HDAC9: variants seen among roughly 807,000 people sequenced by gnomAD.
HDAC9 encodes histone deacetylase 9.
A neutral mutation model predicts 139.4 loss-of-function variants in HDAC9; 41 were observed. The observed-to-expected ratio is 0.29, with a 90% CI of 0.23 to 0.38. The LOEUF (loss-of-function observed/expected upper bound fraction) is 0.38, where lower values mean the gene tolerates loss of function less well. Ranked by LOEUF, HDAC9 falls within the 10% of genes least tolerant of loss-of-function variation. HDAC9 has a pLI of 1.00. For missense variants in HDAC9, 1,147 were observed against 1,297.0 expected, an observed-to-expected ratio of 0.88 and a Z score of 1.78; for synonymous variants, 517 against 476.2, an observed-to-expected ratio of 1.09 and a Z score of -1.12.
intron 1 of HDAC9, among the ~76,000 whole-genome samples, chr7:18,481,634 G>A (rs1454787572): frequency 6.6e-6 from 1 of 152,160 alleles, no homozygotes; most frequent in Non-Finnish European, 1.5e-5. Context: ...TTCATTCTAG[G>A]CTTTGAAAAG....
At position 18,116,475 on chromosome 7, in the gene HDAC9, G is replaced by C. The variant is rs1314448537; in HGVS notation, c.-97+29262G>C. 1.3e-5 allele frequency among the ~76,000 whole-genome samples: 2 copies of C among 152,012 alleles called. 1 individual carries two copies. Among genetic ancestry groups the C allele is most frequent in the African/African-American group, 4.8e-5 (2 of 41,380 alleles). On this transcript the variant is annotated intron_variant, in intron 1 of 12. Transcript: ENST00000417496. ...TTGGGAAAAATGTGATTGATATTCA[G>C]TGTTTAAAAATAACCTACCTCTTTA... is the stretch of plus-strand genomic sequence containing the variant.
intron 21 of HDAC9, among the ~76,000 whole-genome samples, chr7:18,846,080 A>G (rs1796885509): frequency 6.6e-6 from 1 of 152,182 alleles, no homozygotes; most frequent in African/African-American, 2.4e-5. Flanking sequence ...TCTGCCCACA[A>G]TTTGATTGCA....
chr7:18,449,644 T>C (rs1792627269), intron 1 of HDAC9, among the ~76,000 whole-genome samples: 1 of 152,086 alleles, frequency 6.6e-6, no homozygotes. Flanking sequence ...AATAAAAAAG[T>C]TTCCCCACCA....
chr7:18,590,343 A>G lies in HDAC9; in HGVS notation c.272A>G (p.Gln91Arg). ...AQLQEHIKLQ[Q>R]ELLAIKQQQE... is the part of the protein sequence containing the mutation. ...TCTTTCTCTTCTCGCAAGTTGCAAC[A>G]GGAACTTCTAGCCATAAAACAGCAA... The change falls in exon 4 of 26, where the codon CAG becomes CGG. Residue 91 changes from glutamine (Q) to arginine (R), a missense_variant. Physicochemically the swap from Gln to Arg is conservative, Grantham distance 43 (BLOSUM62 1). Transcript: ENST00000686413. The G allele has an allele frequency of 6.2e-7, 1 of 1,612,502 alleles. No individual in the cohort carries two copies. Among genetic ancestry groups the G allele is most frequent in the Non-Finnish European group, 8.5e-7 (1 of 1,179,294 alleles).
chr7:18,683,860 T>G (rs2129092073), intron 12 of HDAC9, among the ~76,000 whole-genome samples: 1 of 152,176 alleles, frequency 6.6e-6, no homozygotes, highest in East Asian at 1.9e-4. Context: ...TTTTCAAACT[T>G]TTTTAATTTT....
Position 18,443,804 on chromosome 7 carries a change from GTATA to G in HDAC9, c.-41-52451_-41-52448del, listed in dbSNP as rs1191271956. On this transcript the variant is annotated intron_variant, in intron 1 of 3. Transcript: ENST00000413509. ...TTTCTCTCCCTCTCTGTGTGTGTGT[GTATA>G]TATATACATATATATATACACATTT... 2.0e-5 allele frequency among the ~76,000 whole-genome samples: 3 copies of G among 150,780 alleles called. No individual in the cohort carries two copies. The East Asian group carries it at 5.8e-4, about 29-fold the overall frequency.
At chr7:18,768,986 C>T (rs1330861974) in intron 16 of HDAC9, among the ~76,000 whole-genome samples, 3 of 152,104 alleles carry the variant, frequency 2.0e-5, no homozygotes, top group African/African-American at 7.2e-5. Context: ...AAATGTTTGG[C>T]ATGAATAAGG....
At chr7:18,466,590 T>C (rs772576445) in intron 1 of HDAC9, among the ~76,000 whole-genome samples, 1 of 152,238 alleles carries the variant, frequency 6.6e-6, no homozygotes, top group Non-Finnish European at 1.5e-5. Flanking sequence ...TGTACATCTC[T>C]GACCGACTCC....
At chr7:18,976,277 T>C (rs1784545540) in intron 25 of HDAC9, among the ~76,000 whole-genome samples, 1 of 152,214 alleles carries the variant, frequency 6.6e-6, no homozygotes, top group African/African-American at 2.4e-5. Context: ...GCTTAACTCC[T>C]TTTCCTAGTT....
chr7:18,809,297 A>G (rs1585075848), intron 17 of HDAC9, among the ~76,000 whole-genome samples: 1 of 152,184 alleles, frequency 6.6e-6, no homozygotes, highest in African/African-American at 2.4e-5. Flanking sequence ...TTTTGGTTAT[A>G]CACAAAAAGC....
intron 2 of HDAC9, among the ~76,000 whole-genome samples, chr7:18,267,410 G>A (rs1294994175): frequency 3.9e-5 from 6 of 151,900 alleles, no homozygotes; most frequent in Non-Finnish European, 2.9e-5. Flanking sequence ...CTATCTAACC[G>A]AAACTTTATA....
At chr7:18,495,079 C>G (rs1386392088), upstream of HDAC9, among the ~76,000 whole-genome samples, 1 of 151,996 alleles carries the variant, frequency 6.6e-6, no homozygotes. Flanking sequence ...AAAAATCAAG[C>G]CTGTCCTTCA....
At chr7:18,203,410 G>C (rs1266674448) in intron 2 of HDAC9, among the ~76,000 whole-genome samples, 2 of 152,144 alleles carry the variant, frequency 1.3e-5, no homozygotes, top group African/African-American at 4.8e-5. Context: ...GGGAAGTATT[G>C]AGGAAGTAGT....
rs543736571 is a variant in HDAC9, at chr7:18,720,539, A to G, written c.1732-7041A>G. Among the ~76,000 whole-genome samples the G allele has an allele frequency of 1.1e-4, 17 of 151,892 alleles. No homozygotes were observed. The South Asian group carries it at 3.3e-3, about 30-fold the overall frequency. On this transcript the variant is annotated intron_variant, in intron 12 of 25. Coordinates refer to ENST00000686413, the MANE Select transcript of HDAC9 (RefSeq NM_178425.4). Reference sequence around the variant, plus strand: ...TACATATTACTGTGTTCATTTATCTATCAGTGAAATTATTTCATAGTTGGT... The same window carrying G: ...TACATATTACTGTGTTCATTTATCTGTCAGTGAAATTATTTCATAGTTGGT...
intron 1 of HDAC9, among the ~76,000 whole-genome samples, chr7:18,487,812 G>T (rs1419508173): frequency 1.3e-5 from 2 of 152,008 alleles, no homozygotes; most frequent in Admixed American, 6.6e-5. Context: ...TCATGGTGTG[G>T]TATGCCACGT....
At chr7:18,979,591 G>A (rs544563219) in intron 25 of HDAC9, among the ~76,000 whole-genome samples, 1 of 152,142 alleles carries the variant, frequency 6.6e-6, no homozygotes, top group African/African-American at 2.4e-5. Context: ...AGCTGCGAAT[G>A]GGTAATTTAT....
intron 2 of HDAC9, among the ~76,000 whole-genome samples, chr7:18,276,845 C>G (rs764733851): frequency 5.3e-5 from 8 of 152,130 alleles, no homozygotes; most frequent in Non-Finnish European, 1.0e-4. Flanking sequence ...ACAATATTTA[C>G]TAAATAAGTT....
At chr7:18,315,409 T>C (rs912531378) in intron 1 of HDAC9, among the ~76,000 whole-genome samples, 1 of 152,192 alleles carries the variant, frequency 6.6e-6, no homozygotes, top group African/African-American at 2.4e-5. Flanking sequence ...TCATAACTTA[T>C]GAAACCAGGC....
At chr7:18,857,670 G>C (rs1183679574) in intron 21 of HDAC9, among the ~76,000 whole-genome samples, 1 of 152,114 alleles carries the variant, frequency 6.6e-6, no homozygotes, top group Non-Finnish European at 1.5e-5. Flanking sequence ...AACTTGTTAA[G>C]TATAGGAATC....
Sources: allele counts gnomAD v4.1 joint callset (sites outside exome capture counted in the v4.1 genomes callset), GRCh38; gene constraint gnomAD v4.1.1; transcripts MANE v1.5; gene names NCBI Gene and HGNC (gene_info 2026-07-23, HGNC 2026-07-21).